Variants in RPS6KC1 observed in about 807,000 individuals in gnomAD.
The protein encoded by RPS6KC1 is inactive ribosomal protein S6 kinase delta-1.
RPS6KC1 carries 54 observed loss-of-function variants against 103.8 expected under a neutral mutation model. That is an observed-to-expected ratio of 0.52 (90% CI 0.42 to 0.65). The LOEUF (loss-of-function observed/expected upper bound fraction) is 0.65, where lower values mean the gene tolerates loss of function less well. RPS6KC1 is among the 30% of genes least tolerant of loss of function. RPS6KC1 has a pLI of 0.00. For missense variants in RPS6KC1, 1,151 were observed against 1,253.8 expected (o/e 0.92, Z 1.24); for synonymous variants, 439 against 438.7 (o/e 1.00, Z -0.01).
intron 3 of RPS6KC1, among the ~76,000 whole-genome samples, chr1:213,103,655 A>G (rs1572542312): frequency 2.6e-5 from 4 of 152,266 alleles, no homozygotes; most frequent in Admixed American, 2.6e-4. Flanking sequence ...GTTTTCTGTT[A>G]ATACTCTGCA....
the RPS6KC1 span, among the ~76,000 whole-genome samples, chr1:213,537,014 A>C: frequency 1.3e-5 from 2 of 152,170 alleles, no homozygotes; most frequent in Non-Finnish European, 2.9e-5. Context: ...TATCCACCTT[A>C]CATATGGTGC....
At chr1:213,420,986 G>A in the RPS6KC1 span, among the ~76,000 whole-genome samples, 1 of 152,128 alleles carries the variant, frequency 6.6e-6, no homozygotes, top group Non-Finnish European at 1.5e-5. Context: ...CTTCTGATAA[G>A]GACACCAGTC....
At chr1:213,128,793 G>A (rs2085276528) in intron 5 of RPS6KC1, among the ~76,000 whole-genome samples, 1 of 152,168 alleles carries the variant, frequency 6.6e-6, no homozygotes, top group African/African-American at 2.4e-5. Context: ...TACAGGTTGA[G>A]TATCCCTAAT....
At chr1:213,060,653 A>G (rs1285515584) in intron 1 of RPS6KC1, among the ~76,000 whole-genome samples, 1 of 152,256 alleles carries the variant, frequency 6.6e-6, no homozygotes, top group Non-Finnish European at 1.5e-5. Flanking sequence ...ATTTTATATT[A>G]AACTGCAGAC....
the RPS6KC1 span, among the ~76,000 whole-genome samples, chr1:213,745,840 C>A: frequency 6.6e-6 from 1 of 152,178 alleles, no homozygotes; most frequent in South Asian, 2.1e-4. Context: ...CAGGTTAAAT[C>A]TCTATTTACA....
At chr1:213,737,565 C>A in the RPS6KC1 span, among the ~76,000 whole-genome samples, 1 of 152,144 alleles carries the variant, frequency 6.6e-6, no homozygotes, top group Non-Finnish European at 1.5e-5. Flanking sequence ...GCATAAAACA[C>A]AAGCCAGTGT....
At chr1:213,816,801 C>T in the RPS6KC1 span, among the ~76,000 whole-genome samples, 4 of 152,146 alleles carry the variant, frequency 2.6e-5, no homozygotes, top group South Asian at 2.1e-4. Flanking sequence ...GCCTTATCTC[C>T]GTTTAAACTT....
the RPS6KC1 span, among the ~76,000 whole-genome samples, chr1:213,381,837 G>A: frequency 2.0e-5 from 3 of 152,132 alleles, no homozygotes; most frequent in Admixed American, 6.5e-5. Context: ...GCGAGTCGCC[G>A]CCCCAGCCCC....
intron 10 of RPS6KC1, among the ~76,000 whole-genome samples, chr1:213,234,542 G>A (rs2148889813): frequency 6.6e-6 from 1 of 152,290 alleles, no homozygotes; most frequent in East Asian, 1.9e-4. Context: ...CAGGTACAGG[G>A]ATGAGTATAA....
At chr1:213,269,196 A>G (rs557491063) in intron 14 of RPS6KC1, among the ~76,000 whole-genome samples, 57 of 152,344 alleles carry the variant, frequency 3.7e-4, no homozygotes, top group African/African-American at 1.3e-3. Context: ...CAAAATGGAT[A>G]TTAAGATAGA....
the RPS6KC1 span, among the ~76,000 whole-genome samples, chr1:213,798,676 A>C: frequency 2.0e-5 from 3 of 152,228 alleles, no homozygotes; most frequent in Non-Finnish European, 4.4e-5. Flanking sequence ...AATCAGACTT[A>C]AATCAAAATG....
chr1:213,748,735 A>G, the RPS6KC1 span, among the ~76,000 whole-genome samples: 1 of 152,238 alleles, frequency 6.6e-6, no homozygotes, highest in African/African-American at 2.4e-5. Flanking sequence ...TTCTAATAAC[A>G]TCATGACAAT....
At chr1:213,750,981 A>G in the RPS6KC1 span, among the ~76,000 whole-genome samples, 1 of 152,228 alleles carries the variant, frequency 6.6e-6, no homozygotes, top group Admixed American at 6.5e-5. Context: ...TGAAGGAACT[A>G]AGTAATAATA....
intron 8 of RPS6KC1, among the ~76,000 whole-genome samples, chr1:213,214,766 G>A (rs1238842634): frequency 1.3e-5 from 2 of 152,064 alleles, no homozygotes; most frequent in African/African-American, 4.8e-5. Flanking sequence ...AGGCAAACAG[G>A]GTCTGGAGTG....
the RPS6KC1 span, among the ~76,000 whole-genome samples, chr1:213,296,332 T>C: frequency 6.6e-6 from 1 of 152,152 alleles, no homozygotes; most frequent in Non-Finnish European, 1.5e-5. Flanking sequence ...GGAATGAAAG[T>C]TTTTCACCAA....
At chr1:213,713,385 G>A in the RPS6KC1 span, among the ~76,000 whole-genome samples, 1 of 152,208 alleles carries the variant, frequency 6.6e-6, no homozygotes, top group Non-Finnish European at 1.5e-5. Flanking sequence ...CAGAGGCAAT[G>A]GCTTCATTAA....
intron 3 of RPS6KC1, among the ~76,000 whole-genome samples, chr1:213,088,760 A>G (rs1020904644): frequency 2.0e-5 from 3 of 152,160 alleles, no homozygotes; most frequent in Non-Finnish European, 4.4e-5. Context: ...CTGATTTAGG[A>G]AGAGTTCTGA....
the RPS6KC1 span, among the ~76,000 whole-genome samples, chr1:213,759,729 C>T: frequency 6.6e-6 from 1 of 152,366 alleles, no homozygotes; most frequent in Admixed American, 6.5e-5. Flanking sequence ...TCCTTACCCA[C>T]CATGTGGGAG....
chr1:213,434,029 A>T, the RPS6KC1 span, among the ~76,000 whole-genome samples: 1 of 149,136 alleles, frequency 6.7e-6, no homozygotes, highest in African/African-American at 2.5e-5. Context: ...CCTAATACAC[A>T]TCACGAAGAT....
Sources: allele counts gnomAD v4.1 joint callset (sites outside exome capture counted in the v4.1 genomes callset), GRCh38; gene constraint gnomAD v4.1.1; transcripts MANE v1.5; gene names NCBI Gene and HGNC (gene_info 2026-07-23, HGNC 2026-07-21).